Variants in PALLD observed in about 807,000 individuals in gnomAD.
PALLD encodes the protein palladin.
PALLD carries 61 observed loss-of-function variants against 123.5 expected under a neutral mutation model. The ratio of observed to expected loss-of-function variants is 0.49; its 90% CI spans 0.40 to 0.61. PALLD has a LOEUF of 0.61. PALLD is among the 20% of genes least tolerant of loss of function. The pLI is 0.00. For missense variants in PALLD, 1,273 were observed against 1,377.0 expected (o/e 0.92, Z 1.20); for synonymous variants, 465 against 496.4 (o/e 0.94, Z 0.84).
chr4:168,884,187 T>C (rs1753024219), intron 10 of PALLD, among the ~76,000 whole-genome samples: 1 of 152,222 alleles, frequency 6.6e-6, no homozygotes, highest in Non-Finnish European at 1.5e-5. Flanking sequence ...TCCACTTTTA[T>C]TTCTAACTCT....
At chr4:168,619,809 C>T (rs1026463864) in intron 2 of PALLD, among the ~76,000 whole-genome samples, 1 of 152,190 alleles carries the variant, frequency 6.6e-6, no homozygotes, top group African/African-American at 2.4e-5. Context: ...ATTCATGAGT[C>T]TGGATCCACC....
At chr4:168,550,738 G>A (rs886897795) in intron 2 of PALLD, among the ~76,000 whole-genome samples, 4 of 152,114 alleles carry the variant, frequency 2.6e-5, no homozygotes, top group East Asian at 1.9e-4. Context: ...CTTATAGGGG[G>A]TCAGTATTTC....
chr4:168,525,472 C>T (rs764770248), intron 2 of PALLD, among the ~76,000 whole-genome samples: 1 of 152,158 alleles, frequency 6.6e-6, no homozygotes, highest in Non-Finnish European at 1.5e-5. Context: ...GGTGTGCAGA[C>T]AAGGAATGGC....
intron 3 of PALLD, among the ~76,000 whole-genome samples, chr4:168,670,980 T>G (rs535065853): frequency 1.3e-5 from 2 of 148,780 alleles, no homozygotes; most frequent in East Asian, 4.0e-4. Context: ...ATCATGCCAC[T>G]GCACTCCAGC....
chr4:168,842,824 G>A (rs1321238159), intron 10 of PALLD, among the ~76,000 whole-genome samples: 1 of 152,214 alleles, frequency 6.6e-6, no homozygotes, highest in Non-Finnish European at 1.5e-5. Context: ...TATGGAATAT[G>A]ATTCCCCGGT....
intron 2 of PALLD, among the ~76,000 whole-genome samples, chr4:168,565,473 C>T (rs917195533): frequency 6.6e-6 from 1 of 152,184 alleles, no homozygotes; most frequent in East Asian, 1.9e-4. Context: ...GAAAACCAAA[C>T]CTGGAGGTAA....
In PALLD at chr4:168,515,770, G is replaced by C. The variant is rs143976828; in HGVS notation, c.908+3358G>C. 6.6e-5 allele frequency among the ~76,000 whole-genome samples: 10 copies of C among 152,312 alleles called. No individual in the cohort carries two copies. In the East Asian group the frequency reaches 1.9e-3, roughly 29 times the overall value. On this transcript the variant is annotated intron_variant, in intron 2 of 21. Coordinates refer to ENST00000505667, the MANE Select transcript of PALLD (RefSeq NM_001166108.2). ...GGACCATAGCTCCAGAAAGACAAAA[G>C]AACAGAGCAGAATCTTAGTGACTCA...
chr4:168,813,191 C>T (rs946590113), intron 10 of PALLD, among the ~76,000 whole-genome samples: 4 of 151,926 alleles, frequency 2.6e-5, no homozygotes, highest in African/African-American at 9.7e-5. Flanking sequence ...ATTATTATAA[C>T]TCCCAGTAAA....
intron 10 of PALLD, among the ~76,000 whole-genome samples, chr4:168,760,555 G>A (rs368278813): frequency 2.6e-5 from 4 of 152,238 alleles, no homozygotes; most frequent in Non-Finnish European, 2.9e-5. Context: ...AACCCAAGTA[G>A]CAATTTCACC....
At chr4:168,692,597 A>G (rs1039895421) in intron 8 of PALLD, among the ~76,000 whole-genome samples, 58 of 152,226 alleles carry the variant, frequency 3.8e-4, no homozygotes, top group African/African-American at 1.4e-3. Context: ...ATTTTAAACA[A>G]CTTTAGATAG....
intron 15 of PALLD, among the ~76,000 whole-genome samples, chr4:168,912,533 C>T (rs979769369): frequency 8.5e-5 from 13 of 152,178 alleles, no homozygotes; most frequent in African/African-American, 2.9e-4. Context: ...CATCTGGGTG[C>T]CCTGAGTATT....
chr4:168,676,659 C>A (rs1469104909), intron 3 of PALLD, among the ~76,000 whole-genome samples: 3 of 151,562 alleles, frequency 2.0e-5, no homozygotes, highest in African/African-American at 7.3e-5. Context: ...GATCTCGGCT[C>A]ACTGCAAGCT....
In PALLD at chr4:168,878,681, A is replaced by AT. The variant is rs70961562; in HGVS notation, c.1965-12240dup. 0.53 allele frequency among the ~76,000 whole-genome samples: 60,061 copies of AT among 112,774 alleles called. 15,040 individuals carry two copies. Among genetic ancestry groups the AT allele is most frequent in the South Asian group, 0.68 (2,576 of 3,776 alleles). 74.0% of individuals were successfully genotyped at this position (112,774 alleles called of 152,430 possible). ...TATGCAGTGCCCTCTCTTAATCATTATGGGGGGGGGGGTGCTTAGCTATCA... is the reference window on the plus strand; with the variant it reads ...TATGCAGTGCCCTCTCTTAATCATTATTGGGGGGGGGGGTGCTTAGCTATCA... On this transcript the variant is annotated intron_variant, in intron 10 of 21. Coordinates refer to ENST00000505667, the MANE Select transcript of PALLD (RefSeq NM_001166108.2).
chr4:168,838,477 C>A (rs574662187), intron 10 of PALLD, among the ~76,000 whole-genome samples: 1 of 151,786 alleles, frequency 6.6e-6, no homozygotes, highest in East Asian at 1.9e-4. Context: ...GAGTGCGGGG[C>A]CGGGGGTGCA....
intron 10 of PALLD, among the ~76,000 whole-genome samples, chr4:168,884,278 T>C (rs182206587): frequency 6.6e-6 from 1 of 152,344 alleles, no homozygotes; most frequent in African/African-American, 2.4e-5. Context: ...TCCAGTGAGA[T>C]GCTCTGAAAA....
intron 10 of PALLD, among the ~76,000 whole-genome samples, chr4:168,807,761 A>G (rs929461578): frequency 1.3e-5 from 2 of 151,980 alleles, no homozygotes; most frequent in African/African-American, 2.4e-5. Flanking sequence ...GCTGGAGTAC[A>G]ATGGTGCAAT....
intron 10 of PALLD, among the ~76,000 whole-genome samples, chr4:168,752,333 C>T (rs1355726796): frequency 2.0e-5 from 3 of 152,230 alleles, no homozygotes; most frequent in African/African-American, 7.2e-5. Flanking sequence ...GAGATCACGC[C>T]ACTGCAGTCC....
rs140530033 is a variant in PALLD at position 168,761,322 on chromosome 4, G to A, written c.1964+49399G>A. Among the ~76,000 whole-genome samples, 43 of 152,216 alleles carry A rather than the reference G, an allele frequency of 2.8e-4. No homozygotes were observed. The East Asian group carries it at 7.9e-3, about 28-fold the overall frequency. ...GTCCCCTGTGTTCCTGTGGTCCGCTGTAGGGCTACTCTGGAGTCTCTGGCT... is the reference window on the plus strand; with the variant it reads ...GTCCCCTGTGTTCCTGTGGTCCGCTATAGGGCTACTCTGGAGTCTCTGGCT... On this transcript the variant is annotated intron_variant, in intron 10 of 21. Transcript: ENST00000505667.
chr4:168,593,727 G>A (rs575661974), intron 2 of PALLD, among the ~76,000 whole-genome samples: 2 of 152,326 alleles, frequency 1.3e-5, no homozygotes, highest in South Asian at 2.1e-4. Context: ...ACGGTCAGAT[G>A]TTTAGAACCA....
Sources: gnomAD v4.1 joint callset for allele counts (sites outside exome capture counted in the v4.1 genomes callset) on GRCh38, gnomAD v4.1.1 for gene constraint, MANE v1.5 for transcripts, NCBI Gene and HGNC (gene_info 2026-07-23, HGNC 2026-07-21) for gene names.